Variants in IL17F observed in about 807,000 individuals in gnomAD.
The protein encoded by IL17F is interleukin 17F.
In IL17F, 6 loss-of-function variants were observed where a neutral mutation model predicts 8.3. The ratio of observed to expected loss-of-function variants is 0.73; its 90% CI spans 0.40 to 1.43. IL17F has a LOEUF of 1.43. Ranked by LOEUF, IL17F falls within the 40% of genes most tolerant of loss-of-function variation. The pLI, the probability that IL17F is intolerant of heterozygous loss-of-function variation, is 0.02. For synonymous variants in IL17F, 98 were observed against 81.6 expected, an observed-to-expected ratio of 1.20 and a Z score of -1.08; for missense variants, 204 against 209.6, an observed-to-expected ratio of 0.97 and a Z score of 0.17.
At chr6:52,244,595 C>T, upstream of IL17F, 1 of 675,388 alleles carries the variant, frequency 1.5e-6, no homozygotes, top group Non-Finnish European at 2.6e-6. Context: ...CCCGGAGTTA[C>T]TGACGAATGC....
chr6:52,244,138 G>T (rs1156857590), intron 1 of IL17F, among the ~76,000 whole-genome samples: 4 of 151,760 alleles, frequency 2.6e-5, no homozygotes, highest in African/African-American at 9.7e-5. Flanking sequence ...CATGTGACCC[G>T]CCCGCCTTGG....
chr6:52,239,010 G>T, intron 1 of IL17F, 60 bp from the exon 2 acceptor site: 7 of 1,428,292 alleles, frequency 4.9e-6, no homozygotes, highest in South Asian at 4.6e-5. Context: ...AGCAAGAGAT[G>T]CATGGTCTGG....
At chr6:52,241,949 G>GT (rs1764082489) in intron 1 of IL17F, among the ~76,000 whole-genome samples, 1 of 152,206 alleles carries the variant, frequency 6.6e-6, no homozygotes, top group Non-Finnish European at 1.5e-5. Flanking sequence ...GTGCATAAGT[G>GT]TTGTAGGTCA....
intron 1 of IL17F, among the ~76,000 whole-genome samples, chr6:52,240,302 T>C (rs1764050300): frequency 6.6e-6 from 1 of 152,028 alleles, no homozygotes; most frequent in Non-Finnish European, 1.5e-5. Context: ...CCAGGCGTGG[T>C]GGTGCACGCC....
At chr6:52,244,557 C>T (rs547189875), upstream of IL17F, 17 of 888,366 alleles carry the variant, frequency 1.9e-5, no homozygotes, top group Admixed American at 1.5e-4. Flanking sequence ...TTCGATTGAC[C>T]TGCTTACTGT....
intron 2 of IL17F, 103 bp downstream of exon 2, chr6:52,238,627 T>A: frequency 9.6e-7 from 1 of 1,045,922 alleles, no homozygotes; most frequent in Non-Finnish European, 1.4e-6. Context: ...AAGAGGATTT[T>A]CCCTTTTATT....
At chr6:52,241,901 A>G (rs1375135775) in intron 1 of IL17F, among the ~76,000 whole-genome samples, 1 of 152,200 alleles carries the variant, frequency 6.6e-6, no homozygotes, top group Non-Finnish European at 1.5e-5. Flanking sequence ...TCATTAGAAG[A>G]GCTAAGTGTT....
chr6:52,238,017 T>C (rs1054281901), intron 2 of IL17F, among the ~76,000 whole-genome samples: 6 of 152,234 alleles, frequency 3.9e-5, no homozygotes, highest in African/African-American at 1.4e-4. Flanking sequence ...ATAGTAAGTC[T>C]TAATAAACTC....
chr6:52,243,489 T>C (rs981058126), intron 1 of IL17F, among the ~76,000 whole-genome samples: 10 of 152,154 alleles, frequency 6.6e-5, no homozygotes, highest in African/African-American at 2.4e-4. Flanking sequence ...CACTGGGTGA[T>C]TTCATTTCTT....
chr6:52,242,007 T>A (rs960463509), intron 1 of IL17F, among the ~76,000 whole-genome samples: 1 of 152,204 alleles, frequency 6.6e-6, no homozygotes, highest in African/African-American at 2.4e-5. Flanking sequence ...ATACTCCAAT[T>A]TGCTCCACAA....
At position 52,238,809 on chromosome 6, in the gene IL17F, T is replaced by C. The variant is rs777653129; in HGVS notation, c.175A>G (p.Ile59Val). 6.8e-6 allele frequency: 11 copies of C among 1,614,044 alleles called. No individual in the cohort carries two copies. The African/African-American group carries it at 1.3e-4, about 20-fold the overall frequency. The change falls in exon 2 of 3, where the codon ATT becomes GTT. Residue 59 changes from isoleucine to valine, a missense_variant. Coordinates refer to ENST00000336123, the MANE Select transcript of IL17F (RefSeq NM_052872.4). ...CGCTGGTTTTCATTGATGATGCCAA[T>C]GTCAAGCTTCATACTACCTCCTGGC... is the stretch of plus-strand genomic sequence containing the variant. ...PVPGGSMKLD[I>V]GIINENQRVS...
chr6:52,238,651 C>A (rs1764010884), intron 2 of IL17F, 79 bp downstream of exon 2: 3 of 1,224,296 alleles, frequency 2.5e-6, no homozygotes, highest in Non-Finnish European at 2.4e-6. Flanking sequence ...TCTATGTATT[C>A]TACATTTTCT....
upstream of IL17F, among the ~76,000 whole-genome samples, chr6:52,245,042 C>G (rs989986076): frequency 6.6e-6 from 1 of 152,118 alleles, no homozygotes; most frequent in Non-Finnish European, 1.5e-5. Context: ...ATTTTTTAAC[C>G]CCATGGTTAG....
Position 52,244,486 on chromosome 6 carries a change from T to G in IL17F, c.-57A>C. The G allele has an allele frequency of 6.6e-7, 1 of 1,516,062 alleles. No homozygotes were observed. Among genetic ancestry groups the G allele is most frequent in the Non-Finnish European group, 9.2e-7 (1 of 1,090,666 alleles). 93.9% of individuals were successfully genotyped at this position (1,516,062 alleles called of 1,614,324 possible). Reference sequence around the variant, plus strand: ...CTCTTTCTGTGAATGTATCTTCCTGTGTATGCCTGTGTTCTATCAATGAGA... The same window carrying G: ...CTCTTTCTGTGAATGTATCTTCCTGGGTATGCCTGTGTTCTATCAATGAGA... On this transcript the variant is annotated 5_prime_UTR_variant, in exon 1 of 3. Transcript: ENST00000336123.
In IL17F at chr6:52,237,027, C is replaced by A. The variant is rs760408480; in HGVS notation, c.396G>T (p.Arg132Ser). ...AAGAAACAGAGCAGCCTTGGTGCTT[C>A]CTCCGGACGACCAGGGTCTCTTGCT... Reference protein sequence around the residue: ...PIQQETLVVRRKHQGCSVSFQ... With the variant: ...PIQQETLVVRSKHQGCSVSFQ... The change falls in exon 3 of 3, where the codon AGG becomes AGT. Residue 132 changes from arginine to serine, a missense_variant. Physicochemically the swap from Arg to Ser is moderately radical, Grantham distance 110 (BLOSUM62 -1). Transcript: ENST00000336123. 11 of 1,614,112 alleles carry A rather than the reference C, an allele frequency of 6.8e-6. No homozygotes were observed.
At chr6:52,237,545 G>A (rs909614247) in intron 2 of IL17F, among the ~76,000 whole-genome samples, 1 of 151,822 alleles carries the variant, frequency 6.6e-6, no homozygotes, top group Admixed American at 6.6e-5. Flanking sequence ...GAGATTGAAC[G>A]TCACTAGTCA....
intron 2 of IL17F, 112 bp downstream of exon 2, chr6:52,238,616 TAA>T: frequency 1.0e-6 from 1 of 964,750 alleles, no homozygotes; most frequent in Non-Finnish European, 1.6e-6. Context: ...TTTTCATTGT[TAA>T]GAGGATTTTC....
chr6:52,241,355 G>A lies in IL17F; in HGVS notation c.34-2405C>T, dbSNP rs187983232. Among the ~76,000 whole-genome samples, 45 of 152,204 alleles carry A rather than the reference G, an allele frequency of 3.0e-4. 1 individual carries two copies. In the East Asian group the frequency reaches 7.5e-3, roughly 25 times the overall value. On this transcript the variant is annotated intron_variant, in intron 1 of 2. Coordinates refer to ENST00000336123, the MANE Select transcript of IL17F (RefSeq NM_052872.4). ...GGCCTCCCAAAATGCTGGGATTACAGGCCTGAGCTACCGCGCCTGGCCTGC... is the reference window on the plus strand; with the variant it reads ...GGCCTCCCAAAATGCTGGGATTACAAGCCTGAGCTACCGCGCCTGGCCTGC...
At chr6:52,241,476 T>A (rs1382337328) in intron 1 of IL17F, among the ~76,000 whole-genome samples, 1 of 151,668 alleles carries the variant, frequency 6.6e-6, no homozygotes, top group Non-Finnish European at 1.5e-5. Context: ...TTAAGTAAAT[T>A]CCTCCTTTGT....
Sources: allele counts gnomAD v4.1 joint callset (sites outside exome capture counted in the v4.1 genomes callset), GRCh38; gene constraint gnomAD v4.1.1; transcripts MANE v1.5; gene names NCBI Gene and HGNC (gene_info 2026-07-23, HGNC 2026-07-21).